ADAMTSL3: variants seen among roughly 807,000 people sequenced by gnomAD.
The protein encoded by ADAMTSL3 is ADAMTS like 3, also known as ADAMTS-like protein 3.
ADAMTSL3 carries 128 observed loss-of-function variants against 201.7 expected under a neutral mutation model. That is an observed-to-expected ratio of 0.63 (90% CI 0.55 to 0.73). The LOEUF (loss-of-function observed/expected upper bound fraction) is 0.73. Among genes scored for constraint, ADAMTSL3 ranks in the 30% least tolerant of loss-of-function variants. The pLI, the probability that ADAMTSL3 is intolerant of heterozygous loss-of-function variation, is 0.00. For synonymous variants in ADAMTSL3, 738 were observed against 748.4 expected, an observed-to-expected ratio of 0.99 and a Z score of 0.23; for missense variants, 1,990 against 2,119.6, an observed-to-expected ratio of 0.94 and a Z score of 1.20.
chr15:83,943,176 G>C, intron 19 of ADAMTSL3, 94 bp downstream of exon 19: 1 of 1,401,640 alleles, frequency 7.1e-7, no homozygotes, highest in Non-Finnish European at 9.5e-7. Flanking sequence ...TGGAACTACT[G>C]TGAGATGAGT....
chr15:83,887,719 A>T (rs973260897), intron 10 of ADAMTSL3, among the ~76,000 whole-genome samples: 1 of 152,104 alleles, frequency 6.6e-6, no homozygotes, highest in African/African-American at 2.4e-5. Context: ...CTTCCCGAGT[A>T]GCTGGAACTA....
intron 7 of ADAMTSL3, among the ~76,000 whole-genome samples, chr15:83,838,442 A>G (rs530674516): frequency 6.6e-6 from 1 of 152,328 alleles, no homozygotes; most frequent in South Asian, 2.1e-4. Context: ...GCAGGGTATT[A>G]CTGTTTTAAA....
At chr15:83,658,547 G>A (rs997580499) in intron 2 of ADAMTSL3, among the ~76,000 whole-genome samples, 1 of 152,174 alleles carries the variant, frequency 6.6e-6, no homozygotes, top group Non-Finnish European at 1.5e-5. Flanking sequence ...ACCATTCCTC[G>A]AGGAGCTCAC....
intron 9 of ADAMTSL3, among the ~76,000 whole-genome samples, chr15:83,878,874 C>T (rs542517432): frequency 7.2e-5 from 11 of 152,044 alleles, no homozygotes; most frequent in African/African-American, 1.4e-4. Context: ...AGTTTGCAAA[C>T]GTTTGATGCC....
intron 13 of ADAMTSL3, among the ~76,000 whole-genome samples, chr15:83,897,298 C>T (rs2065635563): frequency 6.6e-6 from 1 of 151,964 alleles, no homozygotes; most frequent in African/African-American, 2.4e-5. Flanking sequence ...ACTTTAACTG[C>T]AGGCAGTTAT....
intron 15 of ADAMTSL3, among the ~76,000 whole-genome samples, chr15:83,902,578 T>G (rs1398169972): frequency 6.6e-6 from 1 of 152,192 alleles, no homozygotes; most frequent in Non-Finnish European, 1.5e-5. Flanking sequence ...CCAAGTCTAA[T>G]TCTTTCTTTG....
Position 83,715,023 on chromosome 15 carries a change from T to G in ADAMTSL3, c.189+10515T>G, listed in dbSNP as rs564538691. 3.3e-5 allele frequency among the ~76,000 whole-genome samples: 5 copies of G among 151,454 alleles called. No individual in the cohort carries two copies. The South Asian group carries it at 1.0e-3, about 32-fold the overall frequency. On this transcript the variant is annotated intron_variant, in intron 3 of 29. Transcript: ENST00000286744. ...CCACTGTAACCTTCATGGGTTGTAG[T>G]GGGAGGGAGTGAGGAGGGAAGAGAA... is the stretch of plus-strand genomic sequence containing the variant.
At chr15:83,760,546 T>A (rs997501662) in intron 3 of ADAMTSL3, among the ~76,000 whole-genome samples, 1 of 152,162 alleles carries the variant, frequency 6.6e-6, no homozygotes, top group African/African-American at 2.4e-5. Flanking sequence ...TATCGTTACT[T>A]ATTTTTTTCA....
intron 2 of ADAMTSL3, among the ~76,000 whole-genome samples, chr15:83,686,641 G>A (rs2061540011): frequency 6.6e-6 from 1 of 152,128 alleles, no homozygotes; most frequent in South Asian, 2.1e-4. Context: ...TATGGAGTCT[G>A]CAATGCCACG....
At chr15:83,890,295 A>G (rs759454285) in intron 11 of ADAMTSL3, 48 bp downstream of exon 11, 48 of 1,601,304 alleles carry the variant, frequency 3.0e-5, no homozygotes, top group Non-Finnish European at 3.4e-5. Flanking sequence ...GAAACAAATC[A>G]GCTTCAACTG....
intron 9 of ADAMTSL3, among the ~76,000 whole-genome samples, chr15:83,884,662 G>T (rs72746992): frequency 0.1 from 15,598 of 152,124 alleles, 1,049 homozygotes; most frequent in East Asian, 0.35. Context: ...GCTTCTAGAA[G>T]AATTTTTCAG....
rs2062267177 is a variant in ADAMTSL3 at position 83,731,314 on chromosome 15, A to G, written c.189+26806A>G. On this transcript the variant is annotated intron_variant, in intron 3 of 29. Transcript: ENST00000286744. ...ACAGGTATATAAAAAGGTGCTCAGA[A>G]TCACTAATCATCAGGAAAATGCAAA... Among the ~76,000 whole-genome samples the G allele has an allele frequency of 4.6e-5, 7 of 152,244 alleles. No homozygotes were observed. In the South Asian group the frequency reaches 1.4e-3, roughly 32 times the overall value.
Position 83,897,996 on chromosome 15 carries a change from A to G in ADAMTSL3, c.1606A>G (p.Lys536Glu). 6.2e-7 allele frequency: 1 copy of G among 1,613,396 alleles called. No individual in the cohort carries two copies. Among genetic ancestry groups the G allele is most frequent in the South Asian group, 1.1e-5 (1 of 90,962 alleles). ...ATGTGTCATTCCCATCCCGTGTTAT[A>G]AACCAAAAGGTAAGTCTGTGGTGCA... ...EECVIPIPCY[K>E]PKEKSPVEAK... is the part of the protein sequence containing the mutation. Residue 536 changes from lysine to glutamate, a missense_variant, in exon 14 of 30, where the codon AAA (lysine) becomes GAA (glutamate). By Grantham distance (56) the Lys-to-Glu change is moderately conservative. Transcript: ENST00000286744.
intron 2 of ADAMTSL3, among the ~76,000 whole-genome samples, chr15:83,692,554 C>T (rs950093709): frequency 5.3e-5 from 8 of 151,650 alleles, no homozygotes; most frequent in African/African-American, 1.5e-4. Flanking sequence ...GGTGTGGCGG[C>T]GGGCACCTGT....
At position 83,673,072 on chromosome 15, in the gene ADAMTSL3, A is replaced by G. The variant is rs77898399; in HGVS notation, c.69+17242A>G. Among the ~76,000 whole-genome samples, 539 of 152,350 alleles carry G rather than the reference A, an allele frequency of 3.5e-3. 2 individuals carry two copies. Among genetic ancestry groups the G allele is most frequent in the Non-Finnish European group, 5.8e-3 (393 of 68,028 alleles). Reference sequence around the variant, plus strand: ...CAGAGCCAGGAAAGCATTTTGGTGCATGGAGCAAAGAAGGAATGCATGGAG... The same window carrying G: ...CAGAGCCAGGAAAGCATTTTGGTGCGTGGAGCAAAGAAGGAATGCATGGAG... On this transcript the variant is annotated intron_variant, in intron 2 of 29. Transcript: ENST00000286744.
chr15:83,715,613 G>A (rs1196209476), intron 3 of ADAMTSL3, among the ~76,000 whole-genome samples: 1 of 152,170 alleles, frequency 6.6e-6, no homozygotes, highest in African/African-American at 2.4e-5. Context: ...GCTCCAGATT[G>A]TACTCTGCAG....
chr15:83,963,838 A>G (rs1225332995), intron 19 of ADAMTSL3, among the ~76,000 whole-genome samples: 1 of 152,236 alleles, frequency 6.6e-6, no homozygotes, highest in Admixed American at 6.5e-5. Context: ...GCTGTTCTGC[A>G]GCATCTGCTG....
chr15:83,759,229 A>AT (rs57969361), intron 3 of ADAMTSL3, among the ~76,000 whole-genome samples: 32,666 of 145,700 alleles, frequency 0.22, 4,271 homozygotes, highest in Middle Eastern at 0.39. Flanking sequence ...TTTGAATGAC[A>AT]TTTTTTTTTT....
intron 2 of ADAMTSL3, among the ~76,000 whole-genome samples, chr15:83,674,888 A>C (rs1362184969): frequency 1.3e-5 from 2 of 150,474 alleles, no homozygotes; most frequent in Non-Finnish European, 3.0e-5. Flanking sequence ...CAATCCATGA[A>C]TATGGTCTGT....
Sources: allele counts gnomAD v4.1 joint callset (sites outside exome capture counted in the v4.1 genomes callset), GRCh38; gene constraint gnomAD v4.1.1; transcripts MANE v1.5; gene names NCBI Gene and HGNC (gene_info 2026-07-23, HGNC 2026-07-21).